Variants in NUP205 observed in about 807,000 individuals in gnomAD.
NUP205 encodes nuclear pore complex protein Nup205.
In NUP205, 76 loss-of-function variants were observed where a neutral mutation model predicts 253.8. The ratio of observed to expected loss-of-function variants is 0.30; its 90% CI spans 0.25 to 0.36. The LOEUF (loss-of-function observed/expected upper bound fraction) is 0.36. Ranked by LOEUF, NUP205 falls within the 10% of genes least tolerant of loss-of-function variation. The pLI, the probability that NUP205 is intolerant of heterozygous loss-of-function variation, is 1.00. For missense variants in NUP205, 2,162 were observed against 2,425.5 expected (o/e 0.89, Z 2.28); for synonymous variants, 832 against 850.1 (o/e 0.98, Z 0.37).
At position 135,641,973 on chromosome 7, in the gene NUP205, G is replaced by A. The variant is rs932881339; in HGVS notation, c.5393-1219G>A. Reference sequence around the variant, plus strand: ...TGAACTTGAAATTGCCACAGTGTTGGGCCAGGTGTGGTGGCTCGTGCCTGT... The same window carrying A: ...TGAACTTGAAATTGCCACAGTGTTGAGCCAGGTGTGGTGGCTCGTGCCTGT... On this transcript the variant is annotated intron_variant, in intron 38 of 42. Coordinates refer to ENST00000285968, the MANE Select transcript of NUP205 (RefSeq NM_015135.3). Among the ~76,000 whole-genome samples the A allele has an allele frequency of 2.0e-5, 3 of 151,650 alleles. No individual in the cohort carries two copies. The East Asian group carries it at 5.9e-4, about 30-fold the overall frequency.
chr7:135,625,919 C>G (rs1039093116), intron 32 of NUP205, among the ~76,000 whole-genome samples: 4 of 152,152 alleles, frequency 2.6e-5, no homozygotes, highest in Non-Finnish European at 4.4e-5. Context: ...AGGCATGGCA[C>G]TAGGTACTAG....
intron 10 of NUP205, among the ~76,000 whole-genome samples, chr7:135,590,865 T>C (rs961355409): frequency 6.6e-6 from 1 of 152,192 alleles, no homozygotes; most frequent in Non-Finnish European, 1.5e-5. Context: ...TTAATAGTTA[T>C]TTCCAGACAT....
Position 135,606,896 on chromosome 7 carries a change from T to C in NUP205, c.3051T>C (p.Thr1017=). The C allele has an allele frequency of 6.2e-6, 10 of 1,613,990 alleles. No homozygotes were observed. Among genetic ancestry groups the C allele is most frequent in the Non-Finnish European group, 7.6e-6 (9 of 1,179,920 alleles). ...TTGAATTGAAAAAACCTGTCAGTAC[T>C]ACAAACCTACAAGATCCAGGTATAG... ...LGFELKKPVS[T]TNLQDPGVLG... Residue 1017 remains threonine (T), a synonymous_variant, in exon 21 of 43, where the codon ACT becomes ACC. Transcript: ENST00000285968.
In NUP205 at chr7:135,572,847, G is replaced by A. The variant is rs73158981; in HGVS notation, c.172-807G>A. On this transcript the variant is annotated intron_variant, in intron 2 of 42. Transcript: ENST00000285968. ...TAGGATTATAGGCATGACCCACCAC[G>A]CCCAGTCTGGCACTTTTCTTTTATA... Among the ~76,000 whole-genome samples the A allele has an allele frequency of 6.5e-3, 987 of 152,044 alleles. 6 individuals are homozygous for A. The highest frequency in any genetic ancestry group is 0.031 in the Middle Eastern group (9 of 292).
intron 33 of NUP205, among the ~76,000 whole-genome samples, chr7:135,626,730 A>G (rs906776013): frequency 2.6e-5 from 4 of 152,328 alleles, no homozygotes; most frequent in East Asian, 1.9e-4. Context: ...TCTGATTTCA[A>G]TATTTTGCTT....
rs563193250 is a variant in NUP205, at chr7:135,571,411, TA to T, written c.171+179del. Among the ~76,000 whole-genome samples the T allele has an allele frequency of 0.028, 3,813 of 135,426 alleles. 67 individuals carry two copies. Among genetic ancestry groups the T allele is most frequent in the South Asian group, 0.082 (344 of 4,206 alleles). 88.8% of individuals were successfully genotyped at this position (135,426 alleles called of 152,430 possible). On this transcript the variant is annotated intron_variant, in intron 2 of 42. Transcript: ENST00000285968. ...CTGATGACATGTACCCCTAAACGCTTAAAAAAAAAAAAAAAGACAGGGTCTA... is the reference window on the plus strand; with the variant it reads ...CTGATGACATGTACCCCTAAACGCTTAAAAAAAAAAAAAAGACAGGGTCTA...
intron 22 of NUP205, among the ~76,000 whole-genome samples, chr7:135,610,636 G>C (rs940964464): frequency 2.0e-5 from 3 of 152,192 alleles, no homozygotes; most frequent in African/African-American, 7.2e-5. Flanking sequence ...GACCTGATGA[G>C]TCAGGATCTG....
At chr7:135,596,956 CA>C (rs202161616) in intron 13 of NUP205, among the ~76,000 whole-genome samples, 19,749 of 89,492 alleles carry the variant, frequency 0.22, 1,230 homozygotes, top group East Asian at 0.3. Context: ...GACTCTGTCT[CA>C]AAAAAAAAAA....
intron 7 of NUP205, among the ~76,000 whole-genome samples, chr7:135,584,285 A>G (rs1223879173): frequency 1.3e-5 from 2 of 152,208 alleles, no homozygotes; most frequent in Non-Finnish European, 2.9e-5. Flanking sequence ...GAGGTTTATT[A>G]TACTTATTTT....
intron 18 of NUP205, among the ~76,000 whole-genome samples, chr7:135,603,621 C>T (rs1794015163): frequency 6.6e-6 from 1 of 151,796 alleles, no homozygotes. Flanking sequence ...GCGATTCTCC[C>T]ACCTCAGCCT....
Position 135,571,175 on chromosome 7 carries a change from T to C in NUP205, c.99T>C (p.Pro33=). ...KVGNALWRRQ[P]EAVHLLDKIL... is the part of the protein sequence containing the mutation. ...GAAATGCTCTTTGGAGAAGACAACCTGAAGCTGTTCACCTTCTTGATAAGA... is the reference window on the plus strand; with the variant it reads ...GAAATGCTCTTTGGAGAAGACAACCCGAAGCTGTTCACCTTCTTGATAAGA... The change falls in exon 2 of 43, where the codon CCT becomes CCC. Residue 33 remains proline, a synonymous_variant. Coordinates refer to ENST00000285968, the MANE Select transcript of NUP205 (RefSeq NM_015135.3). The C allele has an allele frequency of 6.6e-7, 1 of 1,520,290 alleles. No individual in the cohort carries two copies. The highest frequency in any genetic ancestry group is 8.8e-7 in the Non-Finnish European group (1 of 1,131,608). 94.2% of individuals were successfully genotyped at this position (1,520,290 alleles called of 1,614,324 possible).
intron 2 of NUP205, among the ~76,000 whole-genome samples, chr7:135,572,793 G>C (rs1806035451): frequency 6.6e-6 from 1 of 152,132 alleles, no homozygotes. Flanking sequence ...GGCCTCAAGT[G>C]ATCTGCCTGT....
At chr7:135,575,051 G>A (rs888388423) in intron 3 of NUP205, among the ~76,000 whole-genome samples, 3 of 152,126 alleles carry the variant, frequency 2.0e-5, no homozygotes, top group Non-Finnish European at 4.4e-5. Context: ...CATGTGCCAG[G>A]CATGGTGTTA....
Position 135,618,485 on chromosome 7 carries a change from C to G in NUP205, c.3845C>G (p.Ala1282Gly). Reference sequence around the variant, plus strand: ...CAGTGTCTTCATGCAAAACGTCATGCTCTGGAGTCGTGGAGGCAACTAGTA... The same window carrying G: ...CAGTGTCTTCATGCAAAACGTCATGGTCTGGAGTCGTGGAGGCAACTAGTA... ...LLQCLHAKRHALESWRQLVEI... is the reference protein window; with the variant it reads ...LLQCLHAKRHGLESWRQLVEI... The change falls in exon 28 of 43, where the codon GCT becomes GGT. Residue 1282 changes from alanine to glycine, a missense_variant. Physicochemically the swap from Ala to Gly is moderately conservative, Grantham distance 60. Transcript: ENST00000285968. 1 of 1,614,072 alleles carries G rather than the reference C, an allele frequency of 6.2e-7. No individual in the cohort carries two copies. Among genetic ancestry groups the G allele is most frequent in the Non-Finnish European group, 8.5e-7 (1 of 1,179,990 alleles).
At chr7:135,640,944 A>T (rs1794906116) in intron 38 of NUP205, among the ~76,000 whole-genome samples, 1 of 152,148 alleles carries the variant, frequency 6.6e-6, no homozygotes, top group Non-Finnish European at 1.5e-5. Context: ...CTGAGCCTGT[A>T]ATCCCAGTTA....
chr7:135,610,309 C>A (rs915231986), intron 22 of NUP205, among the ~76,000 whole-genome samples: 4 of 152,216 alleles, frequency 2.6e-5, no homozygotes, highest in African/African-American at 9.6e-5. Context: ...CAACCTCCAC[C>A]TCCCGGGTTC....
chr7:135,594,217 T>C (rs950529958), intron 12 of NUP205, among the ~76,000 whole-genome samples: 4 of 152,204 alleles, frequency 2.6e-5, no homozygotes, highest in African/African-American at 7.2e-5. Flanking sequence ...TGCAGTATAA[T>C]ATATTGTTCC....
chr7:135,638,158 C>G (rs1464764416), intron 37 of NUP205, 99 bp downstream of exon 37: 3 of 1,335,890 alleles, frequency 2.2e-6, no homozygotes, highest in Non-Finnish European at 3.1e-6. Context: ...GCCTATAATC[C>G]CAGCACTTTG....
At chr7:135,636,446 C>A (rs1794812668) in intron 36 of NUP205, among the ~76,000 whole-genome samples, 1 of 152,098 alleles carries the variant, frequency 6.6e-6, no homozygotes, top group African/African-American at 2.4e-5. Context: ...ATTTTGAAAT[C>A]ATAATTGTCA....
Sources: gnomAD v4.1 joint callset for allele counts (sites outside exome capture counted in the v4.1 genomes callset) on GRCh38, gnomAD v4.1.1 for gene constraint, MANE v1.5 for transcripts, NCBI Gene and HGNC (gene_info 2026-07-23, HGNC 2026-07-21) for gene names.